The following NRAP variants were observed in gnomAD, a reference collection of about 807,000 sequenced individuals.
NRAP encodes nebulin-related-anchoring protein.
Under a neutral mutation model 225.9 loss-of-function variants are expected in NRAP, and 189 were observed. That is an observed-to-expected ratio of 0.84 (90% CI 0.74 to 0.94). The LOEUF is 0.94. Ranked by LOEUF, NRAP falls within the 40% of genes least tolerant of loss-of-function variation. The pLI, the probability that NRAP is intolerant of heterozygous loss-of-function variation, is 0.00. For synonymous variants in NRAP, 769 were observed against 790.7 expected (o/e 0.97, Z 0.46); for missense variants, 2,176 against 2,168.7 (o/e 1.00, Z -0.07).
chr10:113,628,441 G>A (rs1289519855), intron 20 of NRAP, among the ~76,000 whole-genome samples: 2 of 152,094 alleles, frequency 1.3e-5, no homozygotes, highest in Non-Finnish European at 2.9e-5. Context: ...GCCCACCTAG[G>A]CCTCCTAAAG....
intron 33 of NRAP, 89 bp from the exon 34 acceptor site, chr10:113,605,958 C>T (rs1564706988): frequency 3.0e-6 from 3 of 996,168 alleles, no homozygotes; most frequent in Non-Finnish European, 4.8e-6. Flanking sequence ...CACAGTGTTC[C>T]AGAATCAATT....
In NRAP at chr10:113,590,847, T is replaced by G; in HGVS notation, c.4687A>C (p.Ile1563Leu). ...TCATCGTCGACACTGCGGTACCCGA[T>G]CTGCAGGCCTCGGTCCCGCAGGAAA... The part of the protein sequence containing the change: ...EAFLRDRGLQ[I>L]GYRSVDDDPR... The change falls in exon 40 of 42, where the codon ATC becomes CTC. Residue 1563 changes from isoleucine (I) to leucine (L), a missense_variant. By Grantham distance (5) the Ile-to-Leu change is conservative. Around this residue, in one of 3 missense-constraint regions of NRAP, gnomAD observed 445 missense variants for 426.1 expected, o/e 1.04. Coordinates refer to ENST00000359988, the MANE Select transcript of NRAP (RefSeq NM_198060.4). 1 of 1,614,196 alleles carries G rather than the reference T, an allele frequency of 6.2e-7. No homozygotes were observed. Among genetic ancestry groups the G allele is most frequent in the Non-Finnish European group, 8.5e-7 (1 of 1,180,024 alleles).
intron 19 of NRAP, 39 bp from the exon 20 acceptor site, chr10:113,629,060 G>T (rs1390164285): frequency 2.8e-6 from 4 of 1,412,442 alleles, no homozygotes; most frequent in East Asian, 2.3e-5. Context: ...TTGGGCGCAT[G>T]GATAGAGACA....
chr10:113,612,232 A>C lies in NRAP; in HGVS notation c.3498+2T>G, dbSNP rs763063868. 1.7e-5 allele frequency: 27 copies of C among 1,613,344 alleles called. No homozygotes were observed. Among genetic ancestry groups the C allele is most frequent in the Non-Finnish European group, 2.3e-5 (27 of 1,179,520 alleles). On this transcript the variant is annotated splice_donor_variant, in intron 30 of 41. Coordinates refer to ENST00000359988, the MANE Select transcript of NRAP (RefSeq NM_198060.4). LOFTEE classifies it high-confidence loss of function. ...CCTGAGAAAGAGGCCAGGTCTCCTT[A>C]CCTCACTCTGCAATTTGTGAGCTTT...
At chr10:113,652,488 C>CA (rs1850037860) in intron 6 of NRAP, among the ~76,000 whole-genome samples, 1 of 151,740 alleles carries the variant, frequency 6.6e-6, no homozygotes. Context: ...ACTAAAAATA[C>CA]AAAAAAATTA....
At chr10:113,602,403 C>T (rs1372783021) in intron 35 of NRAP, among the ~76,000 whole-genome samples, 1 of 152,156 alleles carries the variant, frequency 6.6e-6, no homozygotes, top group East Asian at 1.9e-4. Flanking sequence ...CCTGGTTGGG[C>T]ACCAGAGAGT....
rs534326748 is a variant in NRAP, at chr10:113,598,725, C to T, written c.4228-652G>A. Among the ~76,000 whole-genome samples, 43 of 152,324 alleles carry T rather than the reference C, an allele frequency of 2.8e-4. No individual in the cohort carries two copies. In the South Asian group the frequency reaches 8.7e-3, roughly 31 times the overall value. ...CGGAAACAAATTTGGATGCCACCAGCTAATAGTGAGTAAACCATTTTAACC... is the reference window on the plus strand; with the variant it reads ...CGGAAACAAATTTGGATGCCACCAGTTAATAGTGAGTAAACCATTTTAACC... On this transcript the variant is annotated intron_variant, in intron 35 of 41. Coordinates refer to ENST00000359988, the MANE Select transcript of NRAP (RefSeq NM_198060.4).
intron 29 of NRAP, among the ~76,000 whole-genome samples, chr10:113,613,436 G>A (rs1320738563): frequency 1.3e-5 from 2 of 152,144 alleles, no homozygotes; most frequent in African/African-American, 4.8e-5. Context: ...GAGAAAATAA[G>A]GAAGAATAAC....
intron 11 of NRAP, among the ~76,000 whole-genome samples, chr10:113,644,067 G>A (rs1295610611): frequency 6.7e-6 from 1 of 150,098 alleles, no homozygotes; most frequent in Non-Finnish European, 1.5e-5. Flanking sequence ...GGAATCGCTT[G>A]ACGTGGGAGG....
In NRAP at chr10:113,589,803, G is replaced by T. The variant is rs1455963962; in HGVS notation, c.4957-6C>A. On this transcript the variant is annotated splice_polypyrimidine_tract_variant and splice_region_variant and intron_variant, in intron 40 of 41. Transcript: ENST00000359988. ...AAGTCTGATTTATACTTGACCTTGA[G>T]GGTAAGAGGGAAGCAAGAGGAATAT... 1 of 1,612,676 alleles carries T rather than the reference G, an allele frequency of 6.2e-7. No homozygotes were observed. Among genetic ancestry groups the T allele is most frequent in the Non-Finnish European group, 8.5e-7 (1 of 1,179,604 alleles).
chr10:113,612,000 T>A (rs775437759), intron 30 of NRAP, among the ~76,000 whole-genome samples: 1 of 152,238 alleles, frequency 6.6e-6, no homozygotes, highest in Non-Finnish European at 1.5e-5. Context: ...TGTGAGATAA[T>A]GCATAAAACA....
At chr10:113,619,395 C>T (rs1308890042) in intron 25 of NRAP, among the ~76,000 whole-genome samples, 1 of 152,122 alleles carries the variant, frequency 6.6e-6, no homozygotes, top group Non-Finnish European at 1.5e-5. Context: ...TATAGCAGTG[C>T]TATCCCCATG....
At chr10:113,637,311 G>A (rs1264058812) in intron 14 of NRAP, among the ~76,000 whole-genome samples, 4 of 152,152 alleles carry the variant, frequency 2.6e-5, no homozygotes, top group South Asian at 2.1e-4. Context: ...CACAGAGACC[G>A]AAAGTGGCTT....
chr10:113,597,114 G>T lies in NRAP; in HGVS notation c.4403C>A (p.Ala1468Asp), dbSNP rs761165414. Residue 1468 changes from alanine (A) to aspartate (D), a missense_variant, in exon 37 of 42, where the codon GCC becomes GAC. Ala to Asp is a moderately radical substitution (Grantham distance 126, BLOSUM62 -2). Transcript: ENST00000359988. The stretch of plus-strand genomic sequence containing the variant: ...ATTGCAGTGCATATAGCTGTTCTTG[G>T]CATGAACCAGGTCTGGGGAGTCAAC... Reference protein sequence around the residue: ...TVVDSPDLVHAKNSYMHCNER... With the variant: ...TVVDSPDLVHDKNSYMHCNER... 5 of 1,613,078 alleles carry T rather than the reference G, an allele frequency of 3.1e-6. No homozygotes were observed. In the East Asian group the frequency reaches 8.9e-5, roughly 29 times the overall value.
At chr10:113,611,367 A>G (rs1847312508) in intron 30 of NRAP, among the ~76,000 whole-genome samples, 1 of 152,206 alleles carries the variant, frequency 6.6e-6, no homozygotes, top group Admixed American at 6.5e-5. Flanking sequence ...CCAAACCAGG[A>G]AAGAGGTTTT....
rs370318520 is a variant in NRAP, at chr10:113,605,807, C to A, written c.3870G>T (p.Ala1290=). The stretch of plus-strand genomic sequence containing the variant: ...AGGCCCGGGCAGCCTGGAAGGGGAG[C>A]GCTTCTATTGTCAGCTTGTAGCCTT... The part of the protein sequence containing the change: ...RAQGYKLTIE[A]LPFQAARASG... Residue 1290 remains alanine, a synonymous_variant, in exon 34 of 42, where the codon GCG becomes GCT. Transcript: ENST00000359988. 3.1e-6 allele frequency: 5 copies of A among 1,614,094 alleles called. No homozygotes were observed. The highest frequency in any genetic ancestry group is 1.1e-5 in the South Asian group (1 of 91,080).
intron 35 of NRAP, among the ~76,000 whole-genome samples, chr10:113,601,190 C>T (rs1006781835): frequency 1.3e-5 from 2 of 152,204 alleles, no homozygotes; most frequent in African/African-American, 2.4e-5. Context: ...CTGGGCCGGG[C>T]TGGTCCGAAC....
chr10:113,608,457 G>A lies in NRAP; in HGVS notation c.3659C>T (p.Pro1220Leu), dbSNP rs756908356. The change falls in exon 32 of 42, where the codon CCC (proline) becomes CTC (leucine). Residue 1220 changes from proline (P) to leucine (L), a missense_variant. By Grantham distance (98) the Pro-to-Leu change is moderately conservative (BLOSUM62 -3). This residue lies in a region of NRAP where 1,708 missense variants were observed against 1,695.5 expected (regional missense o/e 1.01). Transcript: ENST00000359988. ...SFKYTAVTDT[P>L]NLLHAKFSNQ... The stretch of plus-strand genomic sequence containing the variant: ...GCTGAATTTCGCATGAAGGAGGTTG[G>A]GAGTGTCTGTCACAGCTGTGTACTT... 2 of 1,613,686 alleles carry A rather than the reference G, an allele frequency of 1.2e-6. No individual in the cohort carries two copies. Among genetic ancestry groups the A allele is most frequent in the Admixed American group, 3.3e-5 (2 of 59,998 alleles).
chr10:113,633,254 A>G (rs1392621995), intron 15 of NRAP, 66 bp from the exon 16 acceptor site: 4 of 899,104 alleles, frequency 4.4e-6, no homozygotes, highest in Non-Finnish European at 7.5e-6. Flanking sequence ...AGGGACCCAT[A>G]GCTCTTTCCC....
Sources: allele counts gnomAD v4.1 joint callset (sites outside exome capture counted in the v4.1 genomes callset), GRCh38; gene constraint gnomAD v4.1.1; regional missense constraint gnomAD v4.1.1; transcripts MANE v1.5; gene names NCBI Gene and HGNC (gene_info 2026-07-23, HGNC 2026-07-21).